RBM6: variants seen among roughly 807,000 people sequenced by gnomAD.
The protein encoded by RBM6 is RNA-binding protein 6.
In RBM6, 23 loss-of-function variants were observed where a neutral mutation model predicts 140.4. The ratio of observed to expected loss-of-function variants is 0.16; its 90% CI spans 0.12 to 0.23. RBM6 has a LOEUF of 0.23. RBM6 is among the 10% of genes least tolerant of loss of function. The pLI is 1.00. For synonymous variants in RBM6, 439 were observed against 475.6 expected (o/e 0.92, Z 1.00); for missense variants, 1,139 against 1,386.7 (o/e 0.82, Z 2.84).
At chr3:50,021,312 A>C (rs1184956741) in intron 6 of RBM6, among the ~76,000 whole-genome samples, 2 of 152,146 alleles carry the variant, frequency 1.3e-5, no homozygotes, top group Non-Finnish European at 2.9e-5. Context: ...TAACTCTTTA[A>C]CTTCAAATAT....
intron 1 of RBM6, among the ~76,000 whole-genome samples, chr3:49,941,640 C>CAAAAAAAAAAAA (rs1171636981): frequency 1.7e-5 from 1 of 58,728 alleles, no homozygotes; most frequent in African/African-American, 7.2e-5. Flanking sequence ...AACTCTGTCT[C>CAAAAAAAAAAAA]AAAAAAAAAA....
rs1353332911 is a variant in RBM6 at position 49,955,271 on chromosome 3, C to G, written c.-66-7305C>G. Among the ~76,000 whole-genome samples, 5 of 138,280 alleles carry G rather than the reference C, an allele frequency of 3.6e-5. No homozygotes were observed. In the East Asian group the frequency reaches 8.7e-4, roughly 24 times the overall value. 90.7% of individuals were successfully genotyped at this position (138,280 alleles called of 152,430 possible). A position where few individuals can be genotyped will look rare whatever the true frequency, so the allele number is the denominator to read the frequency against. Reference sequence around the variant, plus strand: ...ACCTCTGCCTCCTGGGATCAAGCCTCGGGATCCTCCTACCTCAACCTCTGC... The same window carrying G: ...ACCTCTGCCTCCTGGGATCAAGCCTGGGGATCCTCCTACCTCAACCTCTGC... On this transcript the variant is annotated intron_variant, in intron 1 of 20. Coordinates refer to ENST00000266022, the MANE Select transcript of RBM6 (RefSeq NM_005777.3).
chr3:50,040,802 G>A (rs574897284), intron 6 of RBM6, among the ~76,000 whole-genome samples: 88 of 151,806 alleles, frequency 5.8e-4, no homozygotes, highest in Admixed American at 2.0e-3. Context: ...GATAACAGGC[G>A]CACACTACCA....
At chr3:50,072,429 A>G (rs2090334645) in intron 19 of RBM6, among the ~76,000 whole-genome samples, 1 of 151,882 alleles carries the variant, frequency 6.6e-6, no homozygotes, top group African/African-American at 2.4e-5. Flanking sequence ...AAAGAAAAGA[A>G]AAGAAAAGGA....
chr3:50,042,762 A>G (rs1016321672), intron 6 of RBM6, among the ~76,000 whole-genome samples: 3 of 152,012 alleles, frequency 2.0e-5, no homozygotes, highest in Non-Finnish European at 4.4e-5. Flanking sequence ...TTAAAAAAAA[A>G]AGACTATCCT....
At chr3:50,001,131 G>A (rs1252621198) in intron 6 of RBM6, among the ~76,000 whole-genome samples, 1 of 152,008 alleles carries the variant, frequency 6.6e-6, no homozygotes, top group Non-Finnish European at 1.5e-5. Context: ...ATGCTGATTG[G>A]ACATATTCAG....
chr3:50,054,043 T>C (rs2089598239), intron 7 of RBM6: 1 of 306,930 alleles, frequency 3.3e-6, no homozygotes, highest in East Asian at 6.0e-5. Context: ...CTATAAACCA[T>C]GTAACAGTAG....
chr3:49,958,399 C>CA (rs979438963), intron 1 of RBM6, among the ~76,000 whole-genome samples: 59 of 151,924 alleles, frequency 3.9e-4, no homozygotes, highest in South Asian at 2.7e-3. Context: ...ACTAAAAATA[C>CA]AAAAAACAAA....
intron 7 of RBM6, among the ~76,000 whole-genome samples, chr3:50,053,348 A>G (rs373864140): frequency 6.6e-6 from 1 of 152,126 alleles, no homozygotes; most frequent in Non-Finnish European, 1.5e-5. Flanking sequence ...CCTGACCAAC[A>G]TGGAGAAACC....
chr3:50,019,916 T>G (rs1306927747), intron 6 of RBM6, among the ~76,000 whole-genome samples: 3 of 151,904 alleles, frequency 2.0e-5, no homozygotes, highest in African/African-American at 7.2e-5. Context: ...TTACATTAAT[T>G]GATTTTTTTT....
Position 50,075,235 on chromosome 3 carries a change from A to C in RBM6, c.3151A>C (p.Thr1051Pro), listed in dbSNP as rs376653999. The C allele has an allele frequency of 3.1e-6, 5 of 1,614,004 alleles. No individual in the cohort carries two copies. The highest frequency in any genetic ancestry group is 1.7e-6 in the Non-Finnish European group (2 of 1,180,012). The change falls in exon 20 of 21, where the codon ACT (threonine) becomes CCT (proline). Residue 1051 changes from threonine (T) to proline (P), a missense_variant. By Grantham distance (38) the Thr-to-Pro change is conservative. Transcript: ENST00000266022. ...RKLVDKEDID[T>P]SSKGGCVQQA... ...ACTTGTTGATAAAGAAGATATCGAC[A>C]CTAGCAGCAAAGGAGGCTGTGTCCA... is the stretch of plus-strand genomic sequence containing the variant.
chr3:50,020,579 A>T (rs904631452), intron 6 of RBM6, among the ~76,000 whole-genome samples: 1 of 152,122 alleles, frequency 6.6e-6, no homozygotes, highest in Non-Finnish European at 1.5e-5. Flanking sequence ...TATCGTTTAC[A>T]GTTGTGTGTT....
At chr3:49,963,935 CTGTT>C (rs1425751073) in intron 2 of RBM6, among the ~76,000 whole-genome samples, 7 of 152,148 alleles carry the variant, frequency 4.6e-5, no homozygotes, top group Non-Finnish European at 7.3e-5. Context: ...GAGTCTCACT[CTGTT>C]GCCCATGCTG....
chr3:50,076,233 T>G (rs909273350), intron 20 of RBM6, among the ~76,000 whole-genome samples: 5 of 150,644 alleles, frequency 3.3e-5, no homozygotes, highest in Admixed American at 3.3e-4. Context: ...CCTCCCAAAG[T>G]GTTGGGATTA....
intron 19 of RBM6, among the ~76,000 whole-genome samples, chr3:50,074,646 C>T (rs1171572693): frequency 6.6e-6 from 1 of 152,164 alleles, no homozygotes; most frequent in East Asian, 1.9e-4. Flanking sequence ...TGGTTGAGCT[C>T]TCTTCAATGT....
At chr3:49,945,881 C>CAA (rs67271820) in intron 1 of RBM6, among the ~76,000 whole-genome samples, 3,806 of 61,434 alleles carry the variant, frequency 0.062, 194 homozygotes, top group African/African-American at 0.069. Flanking sequence ...GACTCCATCT[C>CAA]AAAAAAAAAA....
chr3:49,954,648 T>C (rs2083891865), intron 1 of RBM6, among the ~76,000 whole-genome samples: 2 of 152,114 alleles, frequency 1.3e-5, no homozygotes, highest in Admixed American at 6.6e-5. Flanking sequence ...CACACTGTCT[T>C]GATTACTGTA....
intron 6 of RBM6, among the ~76,000 whole-genome samples, chr3:50,035,588 A>G (rs971119541): frequency 2.6e-5 from 4 of 151,660 alleles, no homozygotes; most frequent in African/African-American, 7.3e-5. Flanking sequence ...AGGCTGAGGC[A>G]GGAGAATGGT....
chr3:49,960,715 G>A (rs535348245), intron 1 of RBM6, among the ~76,000 whole-genome samples: 1 of 152,214 alleles, frequency 6.6e-6, no homozygotes, highest in African/African-American at 2.4e-5. Context: ...AATGACTGTG[G>A]TGAGGGTAAT....
Sources: gnomAD v4.1 joint callset for allele counts (sites outside exome capture counted in the v4.1 genomes callset) on GRCh38, gnomAD v4.1.1 for gene constraint, MANE v1.5 for transcripts, NCBI Gene and HGNC (gene_info 2026-07-23, HGNC 2026-07-21) for gene names.